The following NEGR1 variants were observed in gnomAD, a reference collection of about 807,000 sequenced individuals.
The protein encoded by NEGR1 is IgLON family member 4.
In NEGR1, 10 loss-of-function variants were observed where a neutral mutation model predicts 40.9. That is an observed-to-expected ratio of 0.24 (90% confidence interval 0.15 to 0.42). NEGR1 has a LOEUF of 0.42. Among genes scored for constraint, NEGR1 ranks in the 10% least tolerant of loss-of-function variants. NEGR1 has a pLI of 1.00. For missense variants in NEGR1, 352 were observed against 438.9 expected (o/e 0.80, Z 1.77); for synonymous variants, 185 against 166.8 (o/e 1.11, Z -0.84).
rs573831380 is a variant in NEGR1, at chr1:71,687,888, C to T, written c.667+10120G>A. On this transcript the variant is annotated intron_variant, in intron 4 of 6. Coordinates refer to ENST00000357731, the MANE Select transcript of NEGR1 (RefSeq NM_173808.3). ...TAGGATTTTAAAGTTTCATTCTTAG[C>T]CCTTCCATGAATTCCATGAATTAAT... Among the ~76,000 whole-genome samples, 10 of 152,190 alleles carry T rather than the reference C, an allele frequency of 6.6e-5. No homozygotes were observed. In the East Asian group the frequency reaches 7.7e-4, roughly 12 times the overall value.
chr1:72,245,349 G>A (rs2100520653), intron 1 of NEGR1, among the ~76,000 whole-genome samples: 1 of 152,038 alleles, frequency 6.6e-6, no homozygotes, highest in East Asian at 1.9e-4. Context: ...AAATGTATAG[G>A]TCCAAAAGAT....
chr1:71,717,009 C>T (rs1654300339), intron 3 of NEGR1, among the ~76,000 whole-genome samples: 1 of 152,154 alleles, frequency 6.6e-6, no homozygotes, highest in African/African-American at 2.4e-5. Flanking sequence ...AGGAAAGTGC[C>T]TGCAAAAGTA....
intron 6 of NEGR1, among the ~76,000 whole-genome samples, chr1:71,421,675 A>G (rs139126059): frequency 6.6e-6 from 1 of 152,264 alleles, no homozygotes; most frequent in African/African-American, 2.4e-5. Context: ...ATTGCCAAAA[A>G]AAAATTCTAA....
intron 1 of NEGR1, among the ~76,000 whole-genome samples, chr1:72,025,516 C>T (rs1230629816): frequency 6.6e-6 from 1 of 152,024 alleles, no homozygotes; most frequent in Non-Finnish European, 1.5e-5. Flanking sequence ...GCACATAGTG[C>T]CTGGAAATCA....
At chr1:71,852,653 A>T (rs1462996374) in intron 2 of NEGR1, among the ~76,000 whole-genome samples, 1 of 152,098 alleles carries the variant, frequency 6.6e-6, no homozygotes, top group Non-Finnish European at 1.5e-5. Flanking sequence ...GTTTGCACAG[A>T]TATTTTCAGG....
intron 2 of NEGR1, among the ~76,000 whole-genome samples, chr1:71,886,654 G>A (rs985096681): frequency 4.6e-5 from 7 of 152,084 alleles, no homozygotes; most frequent in African/African-American, 1.7e-4. Flanking sequence ...CACCTCTTAT[G>A]TCACTCACCT....
intron 4 of NEGR1, among the ~76,000 whole-genome samples, chr1:71,676,930 TG>T (rs1475915161): frequency 6.6e-6 from 1 of 152,184 alleles, no homozygotes; most frequent in Non-Finnish European, 1.5e-5. Context: ...AGATTTTCAC[TG>T]GAAGGAGTGT....
Position 71,407,431 on chromosome 1 carries a change from T to C in NEGR1, c.*15A>G. The C allele has an allele frequency of 6.2e-7, 1 of 1,610,754 alleles. No homozygotes were observed. Among genetic ancestry groups the C allele is most frequent in the Non-Finnish European group, 8.5e-7 (1 of 1,177,848 alleles). On this transcript the variant is annotated 3_prime_UTR_variant, in exon 7 of 7. Coordinates refer to ENST00000357731, the MANE Select transcript of NEGR1 (RefSeq NM_173808.3). ...TTTCAGAGAATCCTTAAAAGCCTTT[T>C]ATGGGTCTTTGAATTTATTGTAGAA...
chr1:72,063,638 A>C (rs1647210976), intron 1 of NEGR1, among the ~76,000 whole-genome samples: 1 of 151,968 alleles, frequency 6.6e-6, no homozygotes, highest in Non-Finnish European at 1.5e-5. Flanking sequence ...TACACTGTGC[A>C]TCTAGGGTGT....
At chr1:72,046,069 A>C (rs1646999244) in intron 1 of NEGR1, among the ~76,000 whole-genome samples, 1 of 151,928 alleles carries the variant, frequency 6.6e-6, no homozygotes, top group South Asian at 2.1e-4. Context: ...AATTCAAAAT[A>C]TCCCAAAAAA....
At chr1:71,826,687 T>A (rs1658637870) in intron 2 of NEGR1, among the ~76,000 whole-genome samples, 1 of 151,928 alleles carries the variant, frequency 6.6e-6, no homozygotes, top group Admixed American at 6.6e-5. Flanking sequence ...CACAACAAAG[T>A]TTTTGTTATT....
intron 5 of NEGR1, among the ~76,000 whole-genome samples, chr1:71,607,467 A>G (rs1258244103): frequency 2.0e-5 from 3 of 152,160 alleles, no homozygotes; most frequent in African/African-American, 7.2e-5. Context: ...GAAGATTTAT[A>G]AGACTTCCTG....
At chr1:71,738,301 C>T in intron 3 of NEGR1, 1 of 250,544 alleles carries the variant, frequency 4.0e-6, no homozygotes, top group Admixed American at 4.5e-5. Context: ...CCCTGCCATG[C>T]AGCTGAAAGA....
At chr1:72,167,326 A>C (rs1254503379) in intron 1 of NEGR1, among the ~76,000 whole-genome samples, 1 of 152,132 alleles carries the variant, frequency 6.6e-6, no homozygotes, top group African/African-American at 2.4e-5. Context: ...ACATTCTTTA[A>C]CATACTCCTA....
intron 2 of NEGR1, among the ~76,000 whole-genome samples, chr1:71,866,028 A>C (rs1277552544): frequency 6.6e-6 from 1 of 152,156 alleles, no homozygotes; most frequent in Non-Finnish European, 1.5e-5. Context: ...AAAGTATACT[A>C]TAATTTTCCC....
intron 1 of NEGR1, among the ~76,000 whole-genome samples, chr1:72,072,820 T>C (rs1647529343): frequency 6.6e-6 from 1 of 152,180 alleles, no homozygotes; most frequent in Non-Finnish European, 1.5e-5. Context: ...TCTCATTCAA[T>C]TATTGTTAAA....
intron 4 of NEGR1, among the ~76,000 whole-genome samples, chr1:71,635,100 C>A (rs1284104926): frequency 6.6e-6 from 1 of 151,898 alleles, no homozygotes; most frequent in Non-Finnish European, 1.5e-5. Flanking sequence ...ATCTGAGTGG[C>A]CAGTTCAGAT....
chr1:71,591,992 C>T (rs1649516955), intron 6 of NEGR1, among the ~76,000 whole-genome samples: 1 of 152,026 alleles, frequency 6.6e-6, no homozygotes, highest in African/African-American at 2.4e-5. Context: ...AAAATATTAA[C>T]TCTAAGAGAT....
intron 1 of NEGR1, among the ~76,000 whole-genome samples, chr1:72,004,530 C>A (rs1646588521): frequency 1.3e-5 from 2 of 152,052 alleles, no homozygotes; most frequent in Admixed American, 6.6e-5. Flanking sequence ...GTGATCTGCC[C>A]ACCTCGGCCT....
Sources: allele counts gnomAD v4.1 joint callset (sites outside exome capture counted in the v4.1 genomes callset), GRCh38; gene constraint gnomAD v4.1.1; transcripts MANE v1.5; gene names NCBI Gene and HGNC (gene_info 2026-07-23, HGNC 2026-07-21).